TYW1B: variants seen among roughly 807,000 people sequenced by gnomAD.
TYW1B encodes tRNA-yW synthesizing protein 1 homolog B.
In TYW1B, 73 loss-of-function variants were observed where a neutral mutation model predicts 86.9. The ratio of observed to expected loss-of-function variants is 0.84; its 90% CI spans 0.70 to 1.02. The LOEUF is 1.02. Ranked by LOEUF, TYW1B falls within the 50% of genes least tolerant of loss-of-function variation. The pLI, the probability that TYW1B is intolerant of heterozygous loss-of-function variation, is 0.00. For missense variants in TYW1B, 637 were observed against 827.4 expected (o/e 0.77, Z 2.82); for synonymous variants, 248 against 292.8 (o/e 0.85, Z 1.56).
chr7:72,585,415 T>A (rs1221063097), intron 13 of TYW1B, among the ~76,000 whole-genome samples: 2 of 152,230 alleles, frequency 1.3e-5, no homozygotes, highest in Non-Finnish European at 2.9e-5. Context: ...GTATGACTAT[T>A]CCTCCACGTA....
At chr7:72,715,080 T>C (rs1786752784) in intron 9 of TYW1B, among the ~76,000 whole-genome samples, 1 of 152,046 alleles carries the variant, frequency 6.6e-6, no homozygotes, top group East Asian at 1.9e-4. Flanking sequence ...GCCCAACCTG[T>C]CTGCACATTG....
chr7:72,803,378 G>A (rs1303881114), intron 5 of TYW1B, among the ~76,000 whole-genome samples: 1 of 152,012 alleles, frequency 6.6e-6, no homozygotes, highest in East Asian at 1.9e-4. Context: ...CAGAAGTAGA[G>A]GAAATGTGAC....
intron 11 of TYW1B, among the ~76,000 whole-genome samples, chr7:72,633,436 G>C (rs1283176026): frequency 6.6e-6 from 1 of 152,174 alleles, no homozygotes; most frequent in Non-Finnish European, 1.5e-5. Flanking sequence ...ACCAGAATAG[G>C]CTCTCTCTCA....
chr7:72,632,301 G>GTATATATTATATATA (rs1563038389), intron 11 of TYW1B, among the ~76,000 whole-genome samples: 1 of 55,852 alleles, frequency 1.8e-5, no homozygotes, highest in African/African-American at 1.6e-4. Context: ...ATATATATAC[G>GTATATATTATATATA]TGTATATATA....
intron 12 of TYW1B, among the ~76,000 whole-genome samples, chr7:72,618,956 G>T (rs1221144621): frequency 6.6e-6 from 1 of 152,182 alleles, no homozygotes; most frequent in Non-Finnish European, 1.5e-5. Flanking sequence ...TGAGTAGAAA[G>T]AGCTTGCTGA....
At chr7:72,600,413 C>T (rs1352816253) in intron 13 of TYW1B, among the ~76,000 whole-genome samples, 8 of 151,920 alleles carry the variant, frequency 5.3e-5, no homozygotes, top group East Asian at 3.9e-4. Context: ...GAAAATAGCA[C>T]GGGAGGAAAT....
At chr7:72,662,630 T>C (rs1414415698) in intron 11 of TYW1B, among the ~76,000 whole-genome samples, 1 of 151,264 alleles carries the variant, frequency 6.6e-6, no homozygotes, top group African/African-American at 2.4e-5. Flanking sequence ...AACACATTTT[T>C]CCCCCCAGTG....
intron 7 of TYW1B, among the ~76,000 whole-genome samples, chr7:72,751,363 G>C (rs1271512124): frequency 6.6e-6 from 1 of 152,100 alleles, no homozygotes; most frequent in Non-Finnish European, 1.5e-5. Context: ...CTCTTGTTCT[G>C]TCCTGTTCAC....
rs782061374 is a variant in TYW1B, at chr7:72,713,744, C to T, written c.1247G>A (p.Cys416Tyr). The part of the protein sequence containing the change: ...RFEEGMTVKH[C>Y]ALSLVGEPIM... ...TGGTTCTCCCACGAGGGACAATGCA[C>T]AGTGCTTTACCGTCATTCCTTCTTC... Residue 416 changes from cysteine to tyrosine, a missense_variant, in exon 10 of 14, where the codon TGT becomes TAT. By Grantham distance (194) the Cys-to-Tyr change is radical. Transcript: ENST00000620995. 4.7e-5 allele frequency: 76 copies of T among 1,610,864 alleles called. No individual in the cohort carries two copies. The highest frequency in any genetic ancestry group is 4.0e-5 in the Non-Finnish European group (47 of 1,178,748).
At position 72,808,596 on chromosome 7, in the gene TYW1B, C is replaced by T. The variant is rs552793667; in HGVS notation, c.433-1240G>A. Among the ~76,000 whole-genome samples, 153 of 150,412 alleles carry T rather than the reference C, an allele frequency of 1.0e-3. 3 individuals are homozygous for T. The South Asian group carries it at 0.03, about 29-fold the overall frequency. On this transcript the variant is annotated intron_variant, in intron 4 of 13. Transcript: ENST00000620995. ...AGGCTGGAGTGCAATGGCACGACCTCGGCTCACTGCAACCTCTACCTCCCG... is the reference window on the plus strand; with the variant it reads ...AGGCTGGAGTGCAATGGCACGACCTTGGCTCACTGCAACCTCTACCTCCCG...
intron 13 of TYW1B, 70 bp downstream of exon 13, chr7:72,616,602 T>C (rs1409156752): frequency 8.2e-5 from 132 of 1,610,950 alleles, no homozygotes; most frequent in Non-Finnish European, 1.1e-4. Flanking sequence ...AAGAGGAAAA[T>C]AAAGAGAGAA....
intron 13 of TYW1B, among the ~76,000 whole-genome samples, chr7:72,577,949 T>C (rs1811063722): frequency 6.6e-6 from 1 of 152,142 alleles, no homozygotes; most frequent in African/African-American, 2.4e-5. Context: ...GTCAGTTTTC[T>C]GGCCACAGGA....
intron 11 of TYW1B, among the ~76,000 whole-genome samples, chr7:72,634,204 G>C (rs143626075): frequency 0.037 from 5,684 of 151,674 alleles, 135 homozygotes; most frequent in Non-Finnish European, 0.058. Context: ...CTTGAGATAG[G>C]GTCTGGCTCC....
chr7:72,743,585 T>C (rs1171580942), intron 8 of TYW1B, among the ~76,000 whole-genome samples: 2 of 152,090 alleles, frequency 1.3e-5, no homozygotes, highest in African/African-American at 4.8e-5. Context: ...GGCTCACACC[T>C]GTAATCCCAG....
At chr7:72,794,963 G>A (rs1309217759) in intron 6 of TYW1B, among the ~76,000 whole-genome samples, 3 of 151,818 alleles carry the variant, frequency 2.0e-5, no homozygotes, top group Admixed American at 1.3e-4. Context: ...GATTACAGGC[G>A]CCATCACACC....
intron 6 of TYW1B, among the ~76,000 whole-genome samples, chr7:72,790,940 C>T (rs540025753): frequency 2.7e-4 from 41 of 152,108 alleles, no homozygotes; most frequent in Admixed American, 2.4e-3. Flanking sequence ...AGCTGAATGT[C>T]CTCACTTTAT....
intron 4 of TYW1B, among the ~76,000 whole-genome samples, chr7:72,810,107 G>A (rs1278473241): frequency 3.3e-5 from 5 of 151,424 alleles, no homozygotes; most frequent in Non-Finnish European, 5.9e-5. Context: ...GTGAAACCCC[G>A]TCTCTAGTAA....
At chr7:72,583,536 G>GT (rs1359863083) in intron 13 of TYW1B, among the ~76,000 whole-genome samples, 2 of 152,072 alleles carry the variant, frequency 1.3e-5, no homozygotes, top group Non-Finnish European at 2.9e-5. Flanking sequence ...AGGAAATGCT[G>GT]TTTTTTGTTT....
At chr7:72,803,320 C>T (rs1394515344) in intron 5 of TYW1B, among the ~76,000 whole-genome samples, 2 of 152,080 alleles carry the variant, frequency 1.3e-5, no homozygotes, top group East Asian at 1.9e-4. Flanking sequence ...TGCCCTCTCA[C>T]GTCACAGTGA....
Sources: gnomAD v4.1 joint callset for allele counts (sites outside exome capture counted in the v4.1 genomes callset) on GRCh38, gnomAD v4.1.1 for gene constraint, MANE v1.5 for transcripts, NCBI Gene and HGNC (gene_info 2026-07-23, HGNC 2026-07-21) for gene names.